Variants in BNIP2 observed in about 807,000 individuals in gnomAD.
The protein encoded by BNIP2 is BCL2 interacting protein 2.
In BNIP2, 36 loss-of-function variants were observed where a neutral mutation model predicts 43.4. The observed-to-expected ratio is 0.83, with a 90% CI of 0.64 to 1.10. BNIP2 has a LOEUF of 1.10. Ranked by LOEUF, BNIP2 falls within the 50% of genes least tolerant of loss-of-function variation. The pLI, the probability that BNIP2 is intolerant of heterozygous loss-of-function variation, is 0.00. For synonymous variants in BNIP2, 146 were observed against 121.0 expected (o/e 1.21, Z -1.35); for missense variants, 417 against 374.1 (o/e 1.11, Z -0.95).
chr15:59,689,156 C>T lies in BNIP2; in HGVS notation c.-79G>A, dbSNP rs1894219482. 6.5e-7 allele frequency: 1 copy of T among 1,537,880 alleles called. No homozygotes were observed. The highest frequency in any genetic ancestry group is 1.4e-5 in the African/African-American group (1 of 73,088). ...TCACCCCGGAGGAAGCCTTGGCCCC[C>T]TCGTCCTCTTCGCCCCTCCAGGCCG... On this transcript the variant is annotated 5_prime_UTR_variant, in exon 1 of 10. Transcript: ENST00000607373.
intron 2 of BNIP2, 85 bp downstream of exon 2, chr15:59,682,323 T>C (rs1365857921): frequency 4.0e-6 from 5 of 1,260,300 alleles, no homozygotes; most frequent in Non-Finnish European, 4.5e-6. Flanking sequence ...CAAGACTCCG[T>C]CTCAAAAAAA....
rs375916888 is a variant in BNIP2, at chr15:59,682,410, C to G, written c.48G>C (p.Pro16=). The G allele has an allele frequency of 1.2e-6, 2 of 1,610,262 alleles. No homozygotes were observed. The highest frequency in any genetic ancestry group is 1.1e-5 in the South Asian group (1 of 90,628). Residue 16 remains proline, a splice_region_variant and synonymous_variant, in exon 2 of 10, where the codon CCG becomes CCC. Coordinates refer to ENST00000607373, the MANE Select transcript of BNIP2 (RefSeq NM_004330.4). Reference sequence around the variant, plus strand: ...TTTCTTTTAAAAGCATTGCTCACATCGGAAAATCTTCATCTTGCCATTCTT... The same window carrying G: ...TTTCTTTTAAAAGCATTGCTCACATGGGAAAATCTTCATCTTGCCATTCTT... The part of the protein sequence containing the change: ...LKEEWQDEDF[P]IPLPEDDSIE...
intron 6 of BNIP2, 103 bp from the exon 7 acceptor site, chr15:59,671,417 T>A (rs1892905175): frequency 3.1e-6 from 3 of 965,678 alleles, no homozygotes; most frequent in Non-Finnish European, 4.3e-6. Context: ...TCTCCTACAA[T>A]GAGAGCAACA....
chr15:59,675,851 T>G (rs756085044), intron 5 of BNIP2, among the ~76,000 whole-genome samples: 1 of 152,184 alleles, frequency 6.6e-6, no homozygotes, highest in Non-Finnish European at 1.5e-5. Context: ...TGCTGAAAAG[T>G]AAACAAAAGA....
chr15:59,688,275 A>T (rs946725793), intron 1 of BNIP2, among the ~76,000 whole-genome samples: 1 of 152,246 alleles, frequency 6.6e-6, no homozygotes, highest in Non-Finnish European at 1.5e-5. Flanking sequence ...ATCCATTTAC[A>T]AATTACAGAA....
rs191376848 is a variant in BNIP2, at chr15:59,673,715, G to A, written c.473-976C>T. ...CAAAGCACTGGGCATGAGCCACATC[G>A]CCAGAGCCATAAGTGGGTGATTTTT... On this transcript the variant is annotated intron_variant, in intron 5 of 9. Coordinates refer to ENST00000607373, the MANE Select transcript of BNIP2 (RefSeq NM_004330.4). Among the ~76,000 whole-genome samples, 9 of 152,256 alleles carry A rather than the reference G, an allele frequency of 5.9e-5. No homozygotes were observed. The East Asian group carries it at 9.6e-4, about 16-fold the overall frequency.
chr15:59,676,169 A>G lies in BNIP2; in HGVS notation c.472+1742T>C, dbSNP rs186002560. ...TGGGTAGCCTAGAGACAGTTTAAAAAATTTTTTAATTTTGAGACAGGGTCA... is the reference window on the plus strand; with the variant it reads ...TGGGTAGCCTAGAGACAGTTTAAAAGATTTTTTAATTTTGAGACAGGGTCA... On this transcript the variant is annotated intron_variant, in intron 5 of 9. Coordinates refer to ENST00000607373, the MANE Select transcript of BNIP2 (RefSeq NM_004330.4). 7.6e-3 allele frequency among the ~76,000 whole-genome samples: 1,155 copies of G among 151,980 alleles called. 7 individuals are homozygous for G. The highest frequency in any genetic ancestry group is 0.017 in the Middle Eastern group (5 of 294).
Position 59,668,960 on chromosome 15 carries a change from C to A in BNIP2, c.825G>T (p.Val275=), listed in dbSNP as rs1892733881. 3 of 1,613,512 alleles carry A rather than the reference C, an allele frequency of 1.9e-6. No individual in the cohort carries two copies. In the South Asian group the frequency reaches 3.3e-5, roughly 18 times the overall value. The change falls in exon 9 of 10, where the codon GTG becomes GTT. Residue 275 remains valine (V), a synonymous_variant. Coordinates refer to ENST00000607373, the MANE Select transcript of BNIP2 (RefSeq NM_004330.4). ...GTTCTGCTAGTTCTGCCAAATTAAA[C>A]ACGTATCTAATTTTTTGGCTGAATT... is the stretch of plus-strand genomic sequence containing the variant. The part of the protein sequence containing the change: ...SSKFSQKIRY[V]FNLAELAELV...
Position 59,672,650 on chromosome 15 carries a change from C to G in BNIP2, c.562G>C (p.Asp188His), listed in dbSNP as rs1208150285. The part of the protein sequence containing the change: ...SSQPNYRYLM[D>H]NLFKYVIGTL... ...ATATATACTTACTTAAAAAGATTGTCCATCAGGTATCTATAGTTAGGCTGA... is the reference window on the plus strand; with the variant it reads ...ATATATACTTACTTAAAAAGATTGTGCATCAGGTATCTATAGTTAGGCTGA... The change falls in exon 6 of 10, where the codon GAC becomes CAC. Residue 188 changes from aspartate (D) to histidine (H), a missense_variant. Coordinates refer to ENST00000607373, the MANE Select transcript of BNIP2 (RefSeq NM_004330.4). 1 of 1,611,894 alleles carries G rather than the reference C, an allele frequency of 6.2e-7. No homozygotes were observed. The highest frequency in any genetic ancestry group is 8.5e-7 in the Non-Finnish European group (1 of 1,178,422).
In BNIP2 at chr15:59,672,477, G is replaced by A. The variant is rs1219479270; in HGVS notation, c.575+160C>T. Reference sequence around the variant, plus strand: ...TGTAGAGAAAGAGCTTTGTCATATCGCCTAGGCTGGTCTCCAACTCCTGGA... The same window carrying A: ...TGTAGAGAAAGAGCTTTGTCATATCACCTAGGCTGGTCTCCAACTCCTGGA... On this transcript the variant is annotated intron_variant, in intron 6 of 9. Coordinates refer to ENST00000607373, the MANE Select transcript of BNIP2 (RefSeq NM_004330.4). Among the ~76,000 whole-genome samples, 5 of 152,240 alleles carry A rather than the reference G, an allele frequency of 3.3e-5. No individual in the cohort carries two copies. In the South Asian group the frequency reaches 8.3e-4, roughly 25 times the overall value.
chr15:59,676,868 C>A, intron 5 of BNIP2: 1 of 1,584,674 alleles, frequency 6.3e-7, no homozygotes, highest in African/African-American at 1.3e-5. Context: ...TGGGCTCTCG[C>A]TGCGTTCGCT....
At position 59,663,038 on chromosome 15, in the gene BNIP2, C is replaced by T. The variant is rs1046148949; in HGVS notation, c.*1031G>A. 27 of 152,622 alleles carry T rather than the reference C, an allele frequency of 1.8e-4. No homozygotes were observed. The highest frequency in any genetic ancestry group is 6.3e-4 in the African/African-American group (26 of 41,520). 9.5% of individuals were successfully genotyped at this position (152,622 alleles called of 1,614,324 possible). ...ATTTCATACAAACTTGAATAAACAC[C>T]ACATCTAACTAGGTCAAACAACTAC... On this transcript the variant is annotated 3_prime_UTR_variant, in exon 10 of 10. Coordinates refer to ENST00000607373, the MANE Select transcript of BNIP2 (RefSeq NM_004330.4).
chr15:59,681,449 ATTTT>A (rs34488048), intron 2 of BNIP2, among the ~76,000 whole-genome samples: 1 of 136,736 alleles, frequency 7.3e-6, no homozygotes, highest in African/African-American at 2.7e-5. Context: ...GAACCCACAA[ATTTT>A]TTTTTTTTTT....
At position 59,679,719 on chromosome 15, in the gene BNIP2, T is replaced by A; in HGVS notation, c.168A>T (p.Pro56=). 1.3e-6 allele frequency: 2 copies of A among 1,580,742 alleles called. No individual in the cohort carries two copies. Among genetic ancestry groups the A allele is most frequent in the Non-Finnish European group, 8.6e-7 (1 of 1,168,854 alleles). The change falls in exon 4 of 10, where the codon CCA becomes CCT. Residue 56 remains proline (P), a synonymous_variant. Transcript: ENST00000607373. Reference sequence around the variant, plus strand: ...TAGGATCCAGTGTCAGGCTAATGTCTGGAGCCATTAGTTTCTTTCTCACTT... The same window carrying A: ...TAGGATCCAGTGTCAGGCTAATGTCAGGAGCCATTAGTTTCTTTCTCACTT... The part of the protein sequence containing the change: ...GNKVRKKLMA[P]DISLTLDPSD...
Position 59,679,639 on chromosome 15 carries a change from T to C in BNIP2, c.248A>G (p.Asp83Gly). 1 of 1,613,286 alleles carries C rather than the reference T, an allele frequency of 6.2e-7. No homozygotes were observed. Among genetic ancestry groups the C allele is most frequent in the Non-Finnish European group, 8.5e-7 (1 of 1,179,570 alleles). ...DLDESGEIDL[D>G]GLDTPSENSN... Reference sequence around the variant, plus strand: ...ATTCTCTGACGGTGTGTCTAAGCCATCTAAGTCAATCTCCCCACTTTCATC... The same window carrying C: ...ATTCTCTGACGGTGTGTCTAAGCCACCTAAGTCAATCTCCCCACTTTCATC... Residue 83 changes from aspartate (D) to glycine (G), a missense_variant, in exon 4 of 10, where the codon GAT (aspartate) becomes GGT (glycine). Asp to Gly is a moderately conservative substitution (Grantham distance 94). Transcript: ENST00000607373.
chr15:59,688,833 G>T (rs1270854388), intron 1 of BNIP2: 2 of 1,530,672 alleles, frequency 1.3e-6, no homozygotes, highest in Non-Finnish European at 1.7e-6. Context: ...TAAAAGGGTG[G>T]GGGAGCGGAG....
chr15:59,688,558 A>G, intron 1 of BNIP2: 1 of 748,176 alleles, frequency 1.3e-6, no homozygotes, highest in Non-Finnish European at 2.1e-6. Context: ...GCATCCAGAA[A>G]TCCAAACCAT....
chr15:59,680,295 C>A lies in BNIP2; in HGVS notation c.64G>T (p.Asp22Tyr), dbSNP rs144230763. The A allele has an allele frequency of 1.2e-6, 2 of 1,601,340 alleles. No homozygotes were observed. Among genetic ancestry groups the A allele is most frequent in the African/African-American group, 1.3e-5 (1 of 74,752 alleles). ...AGTATATCTGCTTCAATACTATCAT[C>A]TTCTGGTAAAGGTCTAGAAGACACA... The part of the protein sequence containing the change: ...DEDFPIPLPE[D>Y]DSIEADILAI... Residue 22 changes from aspartate (D) to tyrosine (Y), a missense_variant, in exon 3 of 10, where the codon GAT (aspartate) becomes TAT (tyrosine). Physicochemically the swap from Asp to Tyr is radical, Grantham distance 160. Transcript: ENST00000607373.
At chr15:59,689,101 G>A (rs1365150407) in intron 1 of BNIP2, 34 bp downstream of exon 1, 3 of 1,525,102 alleles carry the variant, frequency 2.0e-6, no homozygotes, top group Admixed American at 2.0e-5. Flanking sequence ...CAGCTCCGGA[G>A]CCACCGTGCC....
Sources: allele counts gnomAD v4.1 joint callset (sites outside exome capture counted in the v4.1 genomes callset), GRCh38; gene constraint gnomAD v4.1.1; transcripts MANE v1.5; gene names NCBI Gene and HGNC (gene_info 2026-07-23, HGNC 2026-07-21).